The following GPATCH8 variants were observed in gnomAD, a reference collection of about 807,000 sequenced individuals.
GPATCH8 encodes the protein G patch domain-containing protein 8.
A neutral mutation model predicts 118.3 loss-of-function variants in GPATCH8; 18 were observed. The ratio of observed to expected loss-of-function variants is 0.15; its 90% CI spans 0.11 to 0.23. The LOEUF is 0.23. Ranked by LOEUF, GPATCH8 falls within the 10% of genes least tolerant of loss-of-function variation. GPATCH8 has a pLI of 1.00. For missense variants in GPATCH8, 1,631 were observed against 1,873.8 expected, an observed-to-expected ratio of 0.87 and a Z score of 2.39; for synonymous variants, 659 against 684.7, an observed-to-expected ratio of 0.96 and a Z score of 0.59.
chr17:44,427,844 T>C (rs938237534), intron 5 of GPATCH8, among the ~76,000 whole-genome samples: 1 of 152,182 alleles, frequency 6.6e-6, no homozygotes, highest in Admixed American at 6.5e-5. Context: ...ACGAAAATAA[T>C]GGACACTCAA....
At chr17:44,424,567 A>G (rs1197523915) in intron 5 of GPATCH8, 75 bp from the exon 6 acceptor site, 12 of 1,089,748 alleles carry the variant, frequency 1.1e-5, no homozygotes, top group Non-Finnish European at 1.5e-5. Flanking sequence ...TAGAGAAAAC[A>G]GTCTATCTGA....
chr17:44,447,992 G>A (rs2050950577), intron 3 of GPATCH8, among the ~76,000 whole-genome samples: 1 of 152,120 alleles, frequency 6.6e-6, no homozygotes, highest in African/African-American at 2.4e-5. Flanking sequence ...TGCCCCAGCT[G>A]GAGTACAGTG....
At chr17:44,495,937 G>A (rs1386997865) in intron 1 of GPATCH8, among the ~76,000 whole-genome samples, 6 of 152,046 alleles carry the variant, frequency 3.9e-5, no homozygotes, top group East Asian at 1.9e-4. Flanking sequence ...GCACAGTATC[G>A]GCTCACTGCA....
At chr17:44,449,398 C>G (rs1437749409) in intron 3 of GPATCH8, among the ~76,000 whole-genome samples, 1 of 152,166 alleles carries the variant, frequency 6.6e-6, no homozygotes, top group East Asian at 1.9e-4. Context: ...GATACAAACT[C>G]TTGCTATGTG....
intron 3 of GPATCH8, among the ~76,000 whole-genome samples, chr17:44,439,313 G>A (rs1388717709): frequency 6.6e-6 from 1 of 152,082 alleles, no homozygotes; most frequent in Non-Finnish European, 1.5e-5. Flanking sequence ...TCAGAACTTT[G>A]CTTCCTGTTA....
At chr17:44,483,154 C>CAA (rs1178488342) in intron 1 of GPATCH8, among the ~76,000 whole-genome samples, 1 of 846 alleles carries the variant, frequency 1.2e-3, no homozygotes, top group Admixed American at 0.056. Flanking sequence ...GACTCCGTCT[C>CAA]AAAAAAAAAA....
intron 3 of GPATCH8, among the ~76,000 whole-genome samples, chr17:44,462,841 C>T (rs1291460242): frequency 6.6e-6 from 1 of 151,882 alleles, no homozygotes; most frequent in Non-Finnish European, 1.5e-5. Context: ...ATTAGCTGGG[C>T]GTGGTGGCAG....
In GPATCH8 at chr17:44,398,658, C is replaced by G; in HGVS notation, c.3419G>C (p.Gly1140Ala). Residue 1140 changes from glycine to alanine, a missense_variant, in exon 8 of 8, where the codon GGC becomes GCC. By Grantham distance (60) the Gly-to-Ala change is moderately conservative. Around this residue, in one of 8 missense-constraint regions of GPATCH8, gnomAD observed 922 missense variants for 879.7 expected, o/e 1.05. Transcript: ENST00000591680. ...TATCAGTGGAAGGACAGGCTTATTG[C>G]CAAGAGATGGGGGGAGCTTGGGCCC... ...YFGPKLPPSL[G>A]NKPVLPLIGK... 1.9e-6 allele frequency: 3 copies of G among 1,561,646 alleles called. No homozygotes were observed. The highest frequency in any genetic ancestry group is 1.9e-5 in the Admixed American group (1 of 53,972).
At chr17:44,502,843 A>G (rs1214445769) in intron 1 of GPATCH8, among the ~76,000 whole-genome samples, 5 of 152,226 alleles carry the variant, frequency 3.3e-5, no homozygotes, top group African/African-American at 1.2e-4. Flanking sequence ...AAAGCAGACA[A>G]TGAAAGGAAT....
intron 1 of GPATCH8, among the ~76,000 whole-genome samples, chr17:44,483,369 G>GCCT (rs1018632106): frequency 6.9e-6 from 1 of 145,076 alleles, no homozygotes; most frequent in Non-Finnish European, 1.5e-5. Flanking sequence ...TCCTGCCTCA[G>GCCT]CCTCCTGAGT....
At chr17:44,469,771 G>A (rs2144343225) in intron 2 of GPATCH8, among the ~76,000 whole-genome samples, 1 of 152,228 alleles carries the variant, frequency 6.6e-6, no homozygotes, top group Middle Eastern at 3.4e-3. Context: ...ACACAATGAA[G>A]ACTAGAGAGA....
intron 1 of GPATCH8, among the ~76,000 whole-genome samples, chr17:44,489,907 G>GT (rs1365306333): frequency 1.3e-5 from 2 of 152,082 alleles, no homozygotes; most frequent in African/African-American, 4.8e-5. Context: ...GATCTGAAAG[G>GT]TATTTTTTGC....
intron 7 of GPATCH8, among the ~76,000 whole-genome samples, chr17:44,402,864 CTT>C (rs2049080369): frequency 1.3e-5 from 2 of 152,158 alleles, no homozygotes; most frequent in African/African-American, 4.8e-5. Flanking sequence ...GCACTTTCAT[CTT>C]TGACAAAAGG....
chr17:44,453,837 TAC>T (rs1199830831), intron 3 of GPATCH8, among the ~76,000 whole-genome samples: 1 of 151,988 alleles, frequency 6.6e-6, no homozygotes, highest in African/African-American at 2.4e-5. Context: ...CCAGCCTAGT[TAC>T]AGTTTTTAAA....
intron 5 of GPATCH8, among the ~76,000 whole-genome samples, chr17:44,432,460 A>C (rs2050353857): frequency 6.6e-6 from 1 of 152,186 alleles, no homozygotes. Flanking sequence ...GGGACATGAC[A>C]CATGAGAGGA....
intron 5 of GPATCH8, among the ~76,000 whole-genome samples, chr17:44,429,168 C>G (rs2050201878): frequency 6.6e-6 from 1 of 152,008 alleles, no homozygotes; most frequent in Non-Finnish European, 1.5e-5. Context: ...AGACAAAAAG[C>G]CCATTATAGG....
chr17:44,421,898 TG>T (rs1190475450), intron 6 of GPATCH8, among the ~76,000 whole-genome samples: 1 of 151,754 alleles, frequency 6.6e-6, no homozygotes, highest in Non-Finnish European at 1.5e-5. Flanking sequence ...GGCTAATTTT[TG>T]TAGTTTTAGT....
rs749999615 is a variant in GPATCH8 at position 44,398,869 on chromosome 17, T to C, written c.3208A>G (p.Ile1070Val). 3.1e-6 allele frequency: 5 copies of C among 1,613,890 alleles called. No homozygotes were observed. The highest frequency in any genetic ancestry group is 2.7e-5 in the African/African-American group (2 of 74,908). The change falls in exon 8 of 8, where the codon ATT (isoleucine) becomes GTT (valine). Residue 1070 changes from isoleucine to valine, a missense_variant. Coordinates refer to ENST00000591680, the MANE Select transcript of GPATCH8 (RefSeq NM_001002909.4). ...CCTTCTGACCCTCTTCCTGTGCCAA[T>C]GTTGCTGTTCTGGGAAGGTGGACCT... ...ATGPPSQNSN[I>V]GTGRGSEGDC...
chr17:44,480,590 C>T (rs1968147225), intron 1 of GPATCH8, among the ~76,000 whole-genome samples: 1 of 151,986 alleles, frequency 6.6e-6, no homozygotes, highest in African/African-American at 2.4e-5. Flanking sequence ...CGTGGTGGCT[C>T]ATGCTTGTAA....
Sources: gnomAD v4.1 joint callset for allele counts (sites outside exome capture counted in the v4.1 genomes callset) on GRCh38, gnomAD v4.1.1 for gene constraint, gnomAD v4.1.1 regional missense constraint, MANE v1.5 for transcripts, NCBI Gene and HGNC (gene_info 2026-07-23, HGNC 2026-07-21) for gene names.